The following EPHA3 variants were observed in gnomAD, a reference collection of about 807,000 sequenced individuals.
The protein encoded by EPHA3 is ephrin type-A receptor 3.
In EPHA3, 42 loss-of-function variants were observed where a neutral mutation model predicts 107.1. The observed-to-expected ratio is 0.39, with a 90% CI of 0.31 to 0.51. The LOEUF (loss-of-function observed/expected upper bound fraction) is 0.51, where lower values mean the gene tolerates loss of function less well. EPHA3 is among the 20% of genes least tolerant of loss of function. EPHA3 has a pLI of 0.78. For missense variants in EPHA3, 1,183 were observed against 1,211.2 expected (o/e 0.98, Z 0.35); for synonymous variants, 461 against 424.8 (o/e 1.09, Z -1.05).
At chr3:89,121,747 C>T (rs964090904) in intron 1 of EPHA3, among the ~76,000 whole-genome samples, 2 of 74,870 alleles carry the variant, frequency 2.7e-5, no homozygotes, top group South Asian at 6.0e-4. Context: ...CACAGGGAGA[C>T]CCCGTCTCAA....
chr3:89,258,456 G>A (rs1228208916), intron 3 of EPHA3, among the ~76,000 whole-genome samples: 1 of 152,130 alleles, frequency 6.6e-6, no homozygotes, highest in African/African-American at 2.4e-5. Context: ...CCTATTGTTA[G>A]ATGACTCGTG....
At chr3:89,130,858 G>T (rs923855937) in intron 2 of EPHA3, among the ~76,000 whole-genome samples, 1 of 152,004 alleles carries the variant, frequency 6.6e-6, no homozygotes, top group African/African-American at 2.4e-5. Context: ...AGATGGACTC[G>T]ATCTCCTGAC....
chr3:89,274,660 A>G (rs1176725154), intron 3 of EPHA3, among the ~76,000 whole-genome samples: 1 of 152,064 alleles, frequency 6.6e-6, no homozygotes, highest in Non-Finnish European at 1.5e-5. Context: ...AACACTCTTG[A>G]TAGAGCCATC....
intron 3 of EPHA3, among the ~76,000 whole-genome samples, chr3:89,304,320 G>A (rs1706560807): frequency 6.6e-6 from 1 of 151,988 alleles, no homozygotes; most frequent in Admixed American, 6.6e-5. Flanking sequence ...GATATTATTT[G>A]TTAAAATTAG....
At chr3:89,214,009 C>T (rs1704167955) in intron 3 of EPHA3, among the ~76,000 whole-genome samples, 1 of 151,856 alleles carries the variant, frequency 6.6e-6, no homozygotes, top group Non-Finnish European at 1.5e-5. Context: ...ACAAATTAAA[C>T]AGATACATTA....
At chr3:89,236,222 C>T (rs1177833708) in intron 3 of EPHA3, among the ~76,000 whole-genome samples, 1 of 151,754 alleles carries the variant, frequency 6.6e-6, no homozygotes, top group African/African-American at 2.4e-5. Context: ...CTTTCTTCTC[C>T]TAAATATATA....
At position 89,381,029 on chromosome 3, in the gene EPHA3, A is replaced by G. The variant is rs181753193; in HGVS notation, c.1307-14808A>G. ...GCTCTCTTGCCCAGGCTGGAGTGCA[A>G]TGGCGCCATCTCGGCTCACTGCAAG... On this transcript the variant is annotated intron_variant, in intron 5 of 16. Transcript: ENST00000336596. Among the ~76,000 whole-genome samples, 137 of 151,624 alleles carry G rather than the reference A, an allele frequency of 9.0e-4. 1 individual carries two copies. The highest frequency in any genetic ancestry group is 3.3e-3 in the African/African-American group (135 of 41,228).
At chr3:89,301,767 T>C (rs1313289466) in intron 3 of EPHA3, among the ~76,000 whole-genome samples, 1 of 152,082 alleles carries the variant, frequency 6.6e-6, no homozygotes, top group African/African-American at 2.4e-5. Flanking sequence ...TTTTTTATTC[T>C]CTAGGAAGCT....
intron 1 of EPHA3, among the ~76,000 whole-genome samples, chr3:89,122,739 A>G (rs1239098232): frequency 3.3e-5 from 5 of 152,226 alleles, no homozygotes; most frequent in Admixed American, 3.3e-4. Context: ...TCAAAACTCC[A>G]GAAACTTGTA....
Position 89,420,075 on chromosome 3 carries a change from C to T in EPHA3, c.2074+685C>T, listed in dbSNP as rs540090559. On this transcript the variant is annotated intron_variant, in intron 11 of 16. Coordinates refer to ENST00000336596, the MANE Select transcript of EPHA3 (RefSeq NM_005233.6). Reference sequence around the variant, plus strand: ...TGTGAGGCGGATCTGTGATTTTTGGCTCCAATCCCTATATAAGTCTCTTGA... The same window carrying T: ...TGTGAGGCGGATCTGTGATTTTTGGTTCCAATCCCTATATAAGTCTCTTGA... Among the ~76,000 whole-genome samples, 21 of 151,456 alleles carry T rather than the reference C, an allele frequency of 1.4e-4. No individual in the cohort carries two copies. In the East Asian group the frequency reaches 3.5e-3, roughly 25 times the overall value.
chr3:89,161,460 T>C (rs1704940233), intron 2 of EPHA3, among the ~76,000 whole-genome samples: 1 of 152,264 alleles, frequency 6.6e-6, no homozygotes, highest in Non-Finnish European at 1.5e-5. Flanking sequence ...TATAGCTTAC[T>C]TTTTTTGAAA....
chr3:89,255,392 A>C (rs1394371484), intron 3 of EPHA3, among the ~76,000 whole-genome samples: 5 of 152,222 alleles, frequency 3.3e-5, no homozygotes, highest in Non-Finnish European at 7.3e-5. Context: ...GGCTTGGTAA[A>C]CTATGGCCTA....
intron 3 of EPHA3, among the ~76,000 whole-genome samples, chr3:89,315,250 T>C (rs1006225418): frequency 6.6e-6 from 1 of 151,862 alleles, no homozygotes; most frequent in African/African-American, 2.4e-5. Flanking sequence ...TGCAAAATAC[T>C]TATTCCATTT....
intron 7 of EPHA3, among the ~76,000 whole-genome samples, chr3:89,405,323 G>A (rs1709035679): frequency 6.6e-6 from 1 of 152,128 alleles, no homozygotes; most frequent in African/African-American, 2.4e-5. Context: ...GTACTGTTAA[G>A]TCACTAAGGG....
chr3:89,290,102 G>A (rs532637193), intron 3 of EPHA3, among the ~76,000 whole-genome samples: 12 of 152,182 alleles, frequency 7.9e-5, no homozygotes, highest in East Asian at 1.9e-4. Context: ...CTTGTTGGAC[G>A]GTTCTTCTGT....
intron 5 of EPHA3, among the ~76,000 whole-genome samples, chr3:89,345,236 G>T (rs977559907): frequency 6.6e-6 from 1 of 151,152 alleles, no homozygotes; most frequent in Non-Finnish European, 1.5e-5. Flanking sequence ...TTGGGGTTTG[G>T]AGGTCCACCT....
intron 3 of EPHA3, among the ~76,000 whole-genome samples, chr3:89,282,482 C>A (rs186400645): frequency 1.3e-5 from 2 of 152,130 alleles, no homozygotes; most frequent in East Asian, 3.9e-4. Context: ...TCTTTTCCCA[C>A]CTTTTTTTTG....
chr3:89,369,276 A>G (rs949629988), intron 5 of EPHA3, among the ~76,000 whole-genome samples: 30 of 150,992 alleles, frequency 2.0e-4, no homozygotes, highest in African/African-American at 6.5e-4. Flanking sequence ...TAACCAAAAC[A>G]GCATGGTACT....
chr3:89,138,422 C>T (rs1704359994), intron 2 of EPHA3, among the ~76,000 whole-genome samples: 1 of 151,708 alleles, frequency 6.6e-6, no homozygotes, highest in Non-Finnish European at 1.5e-5. Flanking sequence ...AACCCAAAAA[C>T]TAAATAAACA....
Sources: gnomAD v4.1 joint callset for allele counts (sites outside exome capture counted in the v4.1 genomes callset) on GRCh38, gnomAD v4.1.1 for gene constraint, MANE v1.5 for transcripts, NCBI Gene and HGNC (gene_info 2026-07-23, HGNC 2026-07-21) for gene names.